Variants in TRIM66 observed in about 807,000 individuals in gnomAD.
TRIM66 encodes the protein tripartite motif containing 66.
TRIM66 carries 99 observed loss-of-function variants against 148.2 expected under a neutral mutation model. That is an observed-to-expected ratio of 0.67 (90% confidence interval 0.57 to 0.79). TRIM66 has a LOEUF of 0.79. Ranked by LOEUF, TRIM66 falls within the 30% of genes least tolerant of loss-of-function variation. The pLI is 0.00. For missense variants in TRIM66, 1,666 were observed against 1,697.9 expected (o/e 0.98, Z 0.33); for synonymous variants, 616 against 635.9 (o/e 0.97, Z 0.47).
chr11:8,677,973 G>A (rs1041575034), intron 3 of TRIM66, among the ~76,000 whole-genome samples: 1 of 152,130 alleles, frequency 6.6e-6, no homozygotes, highest in Admixed American at 6.5e-5. Flanking sequence ...TCCCCTAAAT[G>A]CCATATATCA....
At chr11:8,657,683 G>A (rs977484753) in intron 6 of TRIM66, among the ~76,000 whole-genome samples, 9 of 151,260 alleles carry the variant, frequency 6.0e-5, no homozygotes, top group Admixed American at 4.6e-4. Context: ...TCCCACCCCC[G>A]GGCAGCCCCA....
Position 8,682,626 on chromosome 11 carries a change from A to G in TRIM66, c.-573T>C. ...CGAAACCGTACACCGCCACCAGGAC[A>G]CTCCGTGATGGGGGATCACCACCCT... On this transcript the variant is annotated 5_prime_UTR_variant, in exon 1 of 25. Coordinates refer to ENST00000646038, the MANE Select transcript of TRIM66 (RefSeq NM_001388022.1). 1.5e-6 allele frequency: 1 copy of G among 672,104 alleles called. No individual in the cohort carries two copies. Among genetic ancestry groups the G allele is most frequent in the Non-Finnish European group, 2.7e-6 (1 of 374,642 alleles). The allele number at this position is 672,104 out of a possible 1,614,324, so 41.6% of individuals were successfully genotyped here.
At chr11:8,648,147 C>T (rs35319120) in intron 9 of TRIM66, 61 bp from the exon 10 acceptor site, 410,550 of 1,395,364 alleles carry the variant, frequency 0.29, 64,574 homozygotes, top group East Asian at 0.61. Flanking sequence ...GCATGCCAAC[C>T]AAGCGGGAAT....
chr11:8,620,070 G>C lies in TRIM66; in HGVS notation c.3727C>G (p.His1243Asp). 1 of 1,551,774 alleles carries C rather than the reference G, an allele frequency of 6.4e-7. No homozygotes were observed. Among genetic ancestry groups the C allele is most frequent in the Non-Finnish European group, 8.7e-7 (1 of 1,146,990 alleles). ...LCCNNLSLPFHEPVSPLARHY... is the reference protein window; with the variant it reads ...LCCNNLSLPFDEPVSPLARHY... ...CTTACCAGGGGGCTGACAGGTTCAT[G>C]GAAGGGCAGGCTGAGGTTATTGCAG... Residue 1243 changes from histidine to aspartate, a missense_variant, in exon 22 of 25, where the codon CAT becomes GAT. Physicochemically the swap from His to Asp is moderately conservative, Grantham distance 81. Transcript: ENST00000646038.
rs1272361145 is a variant in TRIM66 at position 8,625,072 on chromosome 11, G to C, written c.2467C>G (p.Pro823Ala). Residue 823 changes from proline (P) to alanine (A), a missense_variant, in exon 16 of 25, where the codon CCC (proline) becomes GCC (alanine). Physicochemically the swap from Pro to Ala is conservative, Grantham distance 27. This residue lies in a region of TRIM66 where 1,431 missense variants were observed against 1,412.4 expected (regional missense o/e 1.01). Transcript: ENST00000646038. ...QAVPSLLSAP[P>A]KMVSSLTSVQ... ...CTTGTCAGGCTGGACACCATTTTGG[G>C]GGGAGCACTCAGCAGGCTTGGTACT... 4.5e-6 allele frequency: 7 copies of C among 1,551,654 alleles called. No individual in the cohort carries two copies. In the Admixed American group the frequency reaches 1.2e-4, roughly 26 times the overall value.
intron 6 of TRIM66, among the ~76,000 whole-genome samples, chr11:8,670,186 T>C (rs1332647035): frequency 6.6e-6 from 1 of 152,076 alleles, no homozygotes; most frequent in East Asian, 1.9e-4. Context: ...CTAATTTTTG[T>C]ATTTTTAGTA....
chr11:8,622,442 T>C (rs10840096), intron 18 of TRIM66, among the ~76,000 whole-genome samples: 118,923 of 138,884 alleles, frequency 0.86, 51,341 homozygotes, highest in Non-Finnish European at 0.9. Context: ...AGCTGAATTG[T>C]TACTCCAGAT....
chr11:8,635,565 A>C (rs1164774400), intron 15 of TRIM66, among the ~76,000 whole-genome samples: 1 of 152,160 alleles, frequency 6.6e-6, no homozygotes, highest in Non-Finnish European at 1.5e-5. Flanking sequence ...GCCAATCCAA[A>C]GCTTCCTCTA....
chr11:8,663,854 A>G (rs2038417455), intron 6 of TRIM66, among the ~76,000 whole-genome samples: 1 of 152,218 alleles, frequency 6.6e-6, no homozygotes, highest in Admixed American at 6.5e-5. Flanking sequence ...AGCACATTGT[A>G]AGTGAAATAA....
chr11:8,620,711 T>G lies in TRIM66; in HGVS notation c.3546-139A>C, dbSNP rs1220943319. On this transcript the variant is annotated intron_variant, in intron 20 of 24. Coordinates refer to ENST00000646038, the MANE Select transcript of TRIM66 (RefSeq NM_001388022.1). The stretch of plus-strand genomic sequence containing the variant: ...AGAAATGGCTTTCTAGCCACAGGCT[T>G]GGAAGAAATTCAATAACTCAGAATT... The G allele has an allele frequency of 2.9e-6, 4 of 1,375,868 alleles. No individual in the cohort carries two copies. The African/African-American group carries it at 5.8e-5, about 20-fold the overall frequency. The allele number at this position is 1,375,868 out of a possible 1,614,324, so 85.2% of individuals were successfully genotyped here.
chr11:8,658,298 C>T (rs1224215903), intron 6 of TRIM66, among the ~76,000 whole-genome samples: 1 of 152,220 alleles, frequency 6.6e-6, no homozygotes, highest in Non-Finnish European at 1.5e-5. Flanking sequence ...CCTTCCTAAT[C>T]CTCTGGGTGC....
intron 9 of TRIM66, 76 bp downstream of exon 9, chr11:8,648,340 G>C: frequency 6.6e-7 from 1 of 1,514,922 alleles, no homozygotes; most frequent in Admixed American, 2.1e-5. Flanking sequence ...TCTGATGCAC[G>C]GGGATTCCCA....
intron 6 of TRIM66, among the ~76,000 whole-genome samples, chr11:8,669,225 C>T (rs12285011): frequency 0.019 from 2,942 of 152,262 alleles, 85 homozygotes; most frequent in African/African-American, 0.066. Context: ...CTGCTAATAC[C>T]AACAGTGCTA....
At chr11:8,658,882 C>T in intron 6 of TRIM66, 1 of 848,058 alleles carries the variant, frequency 1.2e-6, no homozygotes, top group Non-Finnish European at 1.4e-6. Flanking sequence ...AAGTCCTTAT[C>T]CTGTGACGTC....
Position 8,625,238 on chromosome 11 carries a change from C to T in TRIM66, c.2311-10G>A, listed in dbSNP as rs1326272912. On this transcript the variant is annotated splice_polypyrimidine_tract_variant and intron_variant, in intron 15 of 24. Transcript: ENST00000646038. ...TCAGCGAGGTGGAGTGCTGCAGGAA[C>T]AGAGACAAGGGGTAGAGTCAGGCTG... 1 of 1,488,706 alleles carries T rather than the reference C, an allele frequency of 6.7e-7. No individual in the cohort carries two copies. Among genetic ancestry groups the T allele is most frequent in the Non-Finnish European group, 9.0e-7 (1 of 1,113,168 alleles). The allele number at this position is 1,488,706 out of a possible 1,614,324, so 92.2% of individuals were successfully genotyped here. A position where few individuals can be genotyped will look rare whatever the true frequency, so the allele number is the denominator to read the frequency against.
chr11:8,665,926 G>A (rs1009983522), intron 6 of TRIM66, among the ~76,000 whole-genome samples: 2 of 152,100 alleles, frequency 1.3e-5, no homozygotes, highest in Non-Finnish European at 2.9e-5. Context: ...TCCAGCCTGG[G>A]TGACAGAGTG....
chr11:8,648,418 G>C lies in TRIM66; in HGVS notation c.723C>G (p.His241Gln), dbSNP rs933406900. The C allele has an allele frequency of 1.9e-6, 3 of 1,551,344 alleles. No homozygotes were observed. The highest frequency in any genetic ancestry group is 2.6e-6 in the Non-Finnish European group (3 of 1,146,992). Residue 241 changes from histidine (H) to glutamine (Q), a missense_variant and splice_region_variant, in exon 9 of 25, where the codon CAC becomes CAG. This residue lies in a region of TRIM66 where 1,431 missense variants were observed against 1,412.4 expected (regional missense o/e 1.01). Coordinates refer to ENST00000646038, the MANE Select transcript of TRIM66 (RefSeq NM_001388022.1). ...TTCAGGCAGTCTGTCAGCCCCACCTGTGTTCTTTGTGTTCCACCACTAGGC... is the reference window on the plus strand; with the variant it reads ...TTCAGGCAGTCTGTCAGCCCCACCTCTGTTCTTTGTGTTCCACCACTAGGC... The part of the protein sequence containing the change: ...HSCLVVEHKE[H>Q]RCRHVEEVLQ...
In TRIM66 at chr11:8,672,398, T is replaced by C; in HGVS notation, c.-111-13A>G. ...AGACAAGCTTGACCTAAGTTTCAAT[T>C]TTGGAAAAAGGAAGAAAATTGCATT... On this transcript the variant is annotated splice_polypyrimidine_tract_variant and intron_variant, in intron 4 of 24. Coordinates refer to ENST00000646038, the MANE Select transcript of TRIM66 (RefSeq NM_001388022.1). 1 of 1,489,810 alleles carries C rather than the reference T, an allele frequency of 6.7e-7. No individual in the cohort carries two copies. The highest frequency in any genetic ancestry group is 8.9e-7 in the Non-Finnish European group (1 of 1,126,962). 92.3% of individuals were successfully genotyped at this position (1,489,810 alleles called of 1,614,324 possible).
intron 6 of TRIM66, among the ~76,000 whole-genome samples, chr11:8,667,271 T>C (rs372804083): frequency 1.3e-5 from 2 of 151,990 alleles, no homozygotes; most frequent in Admixed American, 1.3e-4. Context: ...GAGGGGAAAA[T>C]ATTTATGACA....
Sources: gnomAD v4.1 joint callset for allele counts (sites outside exome capture counted in the v4.1 genomes callset) on GRCh38, gnomAD v4.1.1 for gene constraint, gnomAD v4.1.1 regional missense constraint, MANE v1.5 for transcripts, NCBI Gene and HGNC (gene_info 2026-07-23, HGNC 2026-07-21) for gene names.